The following RET variants were observed in gnomAD, a reference collection of about 807,000 sequenced individuals.
RET encodes proto-oncogene tyrosine-protein kinase receptor Ret.
RET carries 19 observed loss-of-function variants against 118.3 expected under a neutral mutation model. That is an observed-to-expected ratio of 0.16 (90% CI 0.11 to 0.24). The LOEUF (loss-of-function observed/expected upper bound fraction) is 0.24, where lower values mean the gene tolerates loss of function less well. Ranked by LOEUF, RET falls within the 10% of genes least tolerant of loss-of-function variation. The probability of loss-of-function intolerance (pLI) is 1.00; values close to 1 mark genes in which losing one functional copy is unlikely to be tolerated. For missense variants in RET, 1,219 were observed against 1,502.1 expected (o/e 0.81, Z 3.12); for synonymous variants, 597 against 644.1 (o/e 0.93, Z 1.11).
Position 43,123,651 on chromosome 10 carries a change from G to T in RET, c.2802-20G>T. The T allele has an allele frequency of 6.2e-6, 10 of 1,614,018 alleles. No individual in the cohort carries two copies. The highest frequency in any genetic ancestry group is 8.5e-6 in the Non-Finnish European group (10 of 1,179,996). On this transcript the variant is annotated intron_variant, in intron 16 of 19. Transcript: ENST00000355710. ...TGAGGGCCAGGTGGAGCCACTCACT[G>T]GTCCTTTCACTCTCTGCAGATGGTC... is the stretch of plus-strand genomic sequence containing the variant.
Position 43,077,248 on chromosome 10 carries a change from G to A in RET, c.-11G>A. On this transcript the variant is annotated 5_prime_UTR_variant, in exon 1 of 20. Coordinates refer to ENST00000355710, the MANE Select transcript of RET (RefSeq NM_020975.6). ...CAGTCCCTCCAGCCGTGGCCCCAGC[G>A]CGCACGGGCGATGGCGAAGGCGACG... is the stretch of plus-strand genomic sequence containing the variant. 6.7e-7 allele frequency: 1 copy of A among 1,498,584 alleles called. No homozygotes were observed. Among genetic ancestry groups the A allele is most frequent in the Non-Finnish European group, 8.9e-7 (1 of 1,129,276 alleles). 92.8% of individuals were successfully genotyped at this position (1,498,584 alleles called of 1,614,324 possible).
chr10:43,077,973 G>A (rs1403933907), intron 1 of RET, among the ~76,000 whole-genome samples: 4 of 152,250 alleles, frequency 2.6e-5, no homozygotes, highest in Non-Finnish European at 5.9e-5. Flanking sequence ...CGGCAGCCCT[G>A]GAGTCGTGTG....
Position 43,077,257 on chromosome 10 carries a change from C to A in RET, c.-2C>A, listed in dbSNP as rs876657980. ...CAGCCGTGGCCCCAGCGCGCACGGG[C>A]GATGGCGAAGGCGACGTCCGGTGCC... On this transcript the variant is annotated 5_prime_UTR_variant, in exon 1 of 20. Transcript: ENST00000355710. 113 of 1,503,030 alleles carry A rather than the reference C, an allele frequency of 7.5e-5. No homozygotes were observed. In the African/African-American group the frequency reaches 1.5e-3, roughly 19 times the overall value. The allele number at this position is 1,503,030 out of a possible 1,614,324, so 93.1% of individuals were successfully genotyped here.
At chr10:43,103,284 TACTGTGTTAGG>T (rs1313226966) in intron 3 of RET, among the ~76,000 whole-genome samples, 2 of 152,160 alleles carry the variant, frequency 1.3e-5, no homozygotes, top group Admixed American at 6.5e-5. Flanking sequence ...TTAGTCAGAC[TACTGTGTTAGG>T]AATGGTTTGG....
At chr10:43,112,363 G>A (rs1011019275) in intron 8 of RET, 139 bp downstream of exon 8, 59 of 1,306,294 alleles carry the variant, frequency 4.5e-5, no homozygotes, top group Middle Eastern at 2.6e-4. Context: ...TGTGGCTCTC[G>A]ATGCCAGCAT....
intron 15 of RET, 21 bp downstream of exon 15, chr10:43,120,224 G>A (rs1838184218): frequency 6.2e-7 from 1 of 1,611,678 alleles, no homozygotes; most frequent in Admixed American, 1.7e-5. Context: ...CCGGGGATGA[G>A]GCGGGGCTCC....
intron 1 of RET, among the ~76,000 whole-genome samples, chr10:43,078,049 G>T (rs951443770): frequency 6.6e-6 from 1 of 152,240 alleles, no homozygotes; most frequent in Non-Finnish European, 1.5e-5. Flanking sequence ...TGGGGCAGGG[G>T]TTTGCGCCGC....
At chr10:43,120,612 C>G (rs1163426830) in intron 15 of RET, among the ~76,000 whole-genome samples, 2 of 152,216 alleles carry the variant, frequency 1.3e-5, no homozygotes, top group Non-Finnish European at 2.9e-5. Flanking sequence ...GAATGAACTG[C>G]TTTACAAGTG....
At chr10:43,121,910 A>T (rs1370812989) in intron 15 of RET, 36 bp from the exon 16 acceptor site, 1 of 1,515,428 alleles carries the variant, frequency 6.6e-7, no homozygotes, top group Non-Finnish European at 9.2e-7. Flanking sequence ...AGAGAGTTAG[A>T]GTAACTTCAA....
At chr10:43,122,913 A>T (rs540667445) in intron 16 of RET, among the ~76,000 whole-genome samples, 1 of 152,192 alleles carries the variant, frequency 6.6e-6, no homozygotes, top group South Asian at 2.1e-4. Flanking sequence ...CCTGGCCAAC[A>T]TGTGCATCTT....
At chr10:43,115,245 G>A (rs146344379) in intron 11 of RET, among the ~76,000 whole-genome samples, 2 of 152,342 alleles carry the variant, frequency 1.3e-5, no homozygotes, top group African/African-American at 4.8e-5. Context: ...TGAGTGAACG[G>A]TGAGCCACGC....
intron 1 of RET, among the ~76,000 whole-genome samples, chr10:43,085,866 G>A (rs1468206583): frequency 6.6e-6 from 1 of 152,200 alleles, no homozygotes; most frequent in African/African-American, 2.4e-5. Context: ...GCATCGGGCT[G>A]CCTGGCTGTG....
intron 5 of RET, among the ~76,000 whole-genome samples, chr10:43,107,078 C>T (rs1161840186): frequency 6.6e-6 from 1 of 152,244 alleles, no homozygotes; most frequent in Non-Finnish European, 1.5e-5. Context: ...TTGCAGGGCA[C>T]CTTTCAGCAG....
intron 8 of RET, among the ~76,000 whole-genome samples, chr10:43,112,516 G>C (rs1336033018): frequency 6.6e-6 from 1 of 152,194 alleles, no homozygotes; most frequent in Non-Finnish European, 1.5e-5. Context: ...GGAGGTCCTC[G>C]GCCAGGGGAT....
At position 43,100,480 on chromosome 10, in the gene RET, C is replaced by T. The variant is rs76764689; in HGVS notation, c.95C>T (p.Ser32Leu). ...LGKVALGLYF[S>L]RDAYWEKLYV... Reference sequence around the variant, plus strand: ...ACAGTGGCATTGGGCCTCTACTTCTCGAGGGATGCTTACTGGGAGAAGCTG... The same window carrying T: ...ACAGTGGCATTGGGCCTCTACTTCTTGAGGGATGCTTACTGGGAGAAGCTG... The change falls in exon 2 of 20, where the codon TCG (serine) becomes TTG (leucine). Residue 32 changes from serine to leucine, a missense_variant. Physicochemically the swap from Ser to Leu is moderately radical, Grantham distance 145. Transcript: ENST00000355710. 1 of 1,613,492 alleles carries T rather than the reference C, an allele frequency of 6.2e-7. No individual in the cohort carries two copies. The highest frequency in any genetic ancestry group is 8.5e-7 in the Non-Finnish European group (1 of 1,180,004).
At position 43,109,281 on chromosome 10, in the gene RET, A is replaced by T. The variant is rs753231135; in HGVS notation, c.1263+51A>T. 1.9e-6 allele frequency: 3 copies of T among 1,572,918 alleles called. No individual in the cohort carries two copies. The South Asian group carries it at 3.4e-5, about 18-fold the overall frequency. ...GGGGAAGATTGAAAGGCCAAGGGAC[A>T]TGGGGGCACAGGGAGGCAGGTGACA... On this transcript the variant is annotated intron_variant, in intron 6 of 19. Coordinates refer to ENST00000355710, the MANE Select transcript of RET (RefSeq NM_020975.6).
intron 1 of RET, among the ~76,000 whole-genome samples, chr10:43,099,749 A>G (rs1001031443): frequency 2.0e-5 from 3 of 152,126 alleles, no homozygotes; most frequent in Non-Finnish European, 4.4e-5. Context: ...TCCATTGCCT[A>G]ACATCCGTCC....
At chr10:43,081,095 G>A (rs1037656165) in intron 1 of RET, among the ~76,000 whole-genome samples, 3 of 152,088 alleles carry the variant, frequency 2.0e-5, no homozygotes, top group South Asian at 4.1e-4. Context: ...GCAAAGCAGG[G>A]TGCAGCCCCC....
chr10:43,111,487 G>A (rs1837927374), intron 7 of RET, 22 bp downstream of exon 7: 2 of 1,600,514 alleles, frequency 1.2e-6, no homozygotes, highest in South Asian at 1.1e-5. Context: ...CTCCAGGGAG[G>A]GAGGGTCGGG....
Sources: allele counts gnomAD v4.1 joint callset (sites outside exome capture counted in the v4.1 genomes callset), GRCh38; gene constraint gnomAD v4.1.1; transcripts MANE v1.5; gene names NCBI Gene and HGNC (gene_info 2026-07-23, HGNC 2026-07-21).